VWF: variants seen among roughly 807,000 people sequenced by gnomAD.
VWF encodes Factor VIII related antigen.
In VWF, 176 loss-of-function variants were observed where a neutral mutation model predicts 308.6. The observed-to-expected ratio is 0.57, with a 90% CI of 0.50 to 0.65. VWF has a LOEUF of 0.65. VWF is among the 30% of genes least tolerant of loss of function. VWF has a pLI of 0.00. For missense variants in VWF, 3,146 were observed against 3,648.2 expected (o/e 0.86, Z 3.55); for synonymous variants, 1,385 against 1,443.4 (o/e 0.96, Z 0.92).
At chr12:6,055,951 C>T (rs546583997) in intron 15 of VWF, among the ~76,000 whole-genome samples, 1 of 151,762 alleles carries the variant, frequency 6.6e-6, no homozygotes, top group East Asian at 1.9e-4. Flanking sequence ...TCTACTTTAC[C>T]CTAAAAAACA....
chr12:5,969,139 A>G (rs968463577), intron 45 of VWF, 72 bp downstream of exon 45: 2 of 1,535,636 alleles, frequency 1.3e-6, no homozygotes, highest in Non-Finnish European at 1.8e-6. Flanking sequence ...CAAAGAATTC[A>G]GGAGCCAAAA....
intron 6 of VWF, among the ~76,000 whole-genome samples, chr12:6,092,620 T>TGAGAGTGAGAGTGAGAGAGA (rs1250915385): frequency 2.2e-5 from 2 of 89,676 alleles, no homozygotes; most frequent in African/African-American, 1.2e-4. Flanking sequence ...TGAGTGAGAG[T>TGAGAGTGAGAGTGAGAGAGA]GTGTGTGTGT....
chr12:5,988,996 A>G (rs1270596101), intron 38 of VWF, among the ~76,000 whole-genome samples: 5 of 152,172 alleles, frequency 3.3e-5, no homozygotes, highest in African/African-American at 1.2e-4. Flanking sequence ...CCACCAGCCA[A>G]TGTGATGGGG....
intron 21 of VWF, among the ~76,000 whole-genome samples, chr12:6,030,890 A>T (rs1944254071): frequency 6.6e-6 from 1 of 152,074 alleles, no homozygotes; most frequent in African/African-American, 2.4e-5. Context: ...TTAGCCGGGC[A>T]CGGTGGTGTA....
At chr12:6,092,622 T>TGTGA (rs1555073732) in intron 6 of VWF, among the ~76,000 whole-genome samples, 2 of 91,492 alleles carry the variant, frequency 2.2e-5, no homozygotes, top group African/African-American at 5.3e-5. Flanking sequence ...AGTGAGAGTG[T>TGTGA]GTGTGTGTGT....
chr12:6,088,599 C>G (rs970879859), intron 6 of VWF, among the ~76,000 whole-genome samples: 1 of 152,126 alleles, frequency 6.6e-6, no homozygotes, highest in Non-Finnish European at 1.5e-5. Context: ...CTTCCTGTTG[C>G]AGACAGGACT....
At chr12:6,077,610 G>T (rs983723499) in intron 6 of VWF, among the ~76,000 whole-genome samples, 5 of 152,210 alleles carry the variant, frequency 3.3e-5, no homozygotes, top group African/African-American at 9.6e-5. Context: ...GAGTGAGAAT[G>T]ACCTGTGGAA....
intron 42 of VWF, among the ~76,000 whole-genome samples, chr12:5,976,896 G>C (rs966337091): frequency 2.6e-5 from 4 of 152,172 alleles, no homozygotes; most frequent in African/African-American, 9.7e-5. Flanking sequence ...GACAATGCTC[G>C]GACATCCTTT....
chr12:6,046,656 G>A lies in VWF; in HGVS notation c.2281+67C>T, dbSNP rs764516128. On this transcript the variant is annotated intron_variant, in intron 17 of 51. Coordinates refer to ENST00000261405, the MANE Select transcript of VWF (RefSeq NM_000552.5). This position sits in a 1 kb window ranked among gnomAD's most constrained non-coding sequence, Gnocchi z 5.0. ...TGACGGTGTCACCCAGCTCTCTCCC[G>A]CCATTCCACACGTGAGGAATCTGGG... 3.1e-4 allele frequency: 460 copies of A among 1,468,540 alleles called. No homozygotes were observed. The highest frequency in any genetic ancestry group is 4.1e-4 in the Non-Finnish European group (426 of 1,048,218). 91.0% of individuals were successfully genotyped at this position (1,468,540 alleles called of 1,614,324 possible). A position where few individuals can be genotyped will look rare whatever the true frequency, so the allele number is the denominator to read the frequency against.
At chr12:5,992,122 A>G (rs1943752305) in intron 37 of VWF, 104 bp from the exon 38 acceptor site, 2 of 1,110,840 alleles carry the variant, frequency 1.8e-6, no homozygotes, top group Non-Finnish European at 2.7e-6. Flanking sequence ...TTGCCAGGGC[A>G]GAGACGGCTA....
chr12:6,030,873 C>A (rs895263037), intron 21 of VWF, among the ~76,000 whole-genome samples: 2 of 151,996 alleles, frequency 1.3e-5, no homozygotes, highest in African/African-American at 4.8e-5. Flanking sequence ...ACTAAAAATA[C>A]AAGAAATTAG....
At position 6,057,040 on chromosome 12, in the gene VWF, T is replaced by G; in HGVS notation, c.1762A>C (p.Thr588Pro). Residue 588 changes from threonine to proline, a missense_variant, in exon 15 of 52, where the codon ACG (threonine) becomes CCG (proline). Physicochemically the swap from Thr to Pro is conservative, Grantham distance 38. This residue lies in a region of VWF where 1,304 missense variants were observed against 1,353.0 expected (regional missense o/e 0.96). Transcript: ENST00000261405. ...TGGCAGGCCTCGAATGTGGGGGACG[T>G]CAGGACCGCGCACGCCTCCTCGGAG... Reference protein sequence around the residue: ...RFSEEACAVLTSPTFEACHRA... With the variant: ...RFSEEACAVLPSPTFEACHRA... 6.5e-7 allele frequency: 1 copy of G among 1,546,732 alleles called. No homozygotes were observed. Among genetic ancestry groups the G allele is most frequent in the Non-Finnish European group, 8.7e-7 (1 of 1,152,168 alleles).
Position 5,993,907 on chromosome 12 carries a change from G to A in VWF, c.6553C>T (p.Arg2185Trp), listed in dbSNP as rs569962285. 69 of 1,613,910 alleles carry A rather than the reference G, an allele frequency of 4.3e-5. No homozygotes were observed. The highest frequency in any genetic ancestry group is 2.3e-4 in the South Asian group (21 of 91,066). The change falls in exon 37 of 52, where the codon CGG becomes TGG. Residue 2185 changes from arginine to tryptophan, a missense_variant. Coordinates refer to ENST00000261405, the MANE Select transcript of VWF (RefSeq NM_000552.5). ...CAGTCAACGCAGACCCCGTTGGTCC[G>A]ACAGAGGTGGGCATAAGAGGCGATC... The part of the protein sequence containing the change: ...EVIASYAHLC[R>W]TNGVCVDWRT...
intron 43 of VWF, among the ~76,000 whole-genome samples, chr12:5,972,750 A>G (rs1391632726): frequency 6.6e-6 from 1 of 152,158 alleles, no homozygotes; most frequent in Non-Finnish European, 1.5e-5. Flanking sequence ...TTTACTGTGC[A>G]CCTATGATGT....
At chr12:5,975,131 C>G (rs1268059355) in intron 43 of VWF, among the ~76,000 whole-genome samples, 2 of 152,224 alleles carry the variant, frequency 1.3e-5, no homozygotes, top group African/African-American at 4.8e-5. Context: ...CTGAGCACCT[C>G]CGCTCACTCT....
At chr12:6,045,986 G>A (rs1944443073) in intron 17 of VWF, among the ~76,000 whole-genome samples, 1 of 152,194 alleles carries the variant, frequency 6.6e-6, no homozygotes, top group African/African-American at 2.4e-5. Flanking sequence ...ACTTTGGGAG[G>A]CCGAGGCAGG....
chr12:6,070,465 T>C (rs1256132856), intron 10 of VWF, among the ~76,000 whole-genome samples: 3 of 152,188 alleles, frequency 2.0e-5, no homozygotes, highest in Non-Finnish European at 1.5e-5. Flanking sequence ...AGTCAGGCAG[T>C]TGTGAGTTCA....
intron 10 of VWF, among the ~76,000 whole-genome samples, chr12:6,067,525 A>G (rs535683407): frequency 5.5e-4 from 84 of 152,334 alleles, no homozygotes; most frequent in African/African-American, 1.9e-3. Flanking sequence ...AGTTTCTCGC[A>G]AATCAGAAGT....
intron 6 of VWF, among the ~76,000 whole-genome samples, chr12:6,083,988 A>C (rs1005556110): frequency 8.5e-5 from 13 of 152,236 alleles, no homozygotes; most frequent in African/African-American, 3.1e-4. Flanking sequence ...AATAAGACAG[A>C]GGGACCCTGG....
Sources: gnomAD v4.1 joint callset for allele counts (sites outside exome capture counted in the v4.1 genomes callset) on GRCh38, gnomAD v4.1.1 for gene constraint, gnomAD v4.1.1 regional missense constraint, Gnocchi (gnomAD v3.1) non-coding constraint, MANE v1.5 for transcripts, NCBI Gene and HGNC (gene_info 2026-07-23, HGNC 2026-07-21) for gene names.